Variants in HABP4 observed in about 807,000 individuals in gnomAD.
HABP4 encodes the protein hyaluronan binding protein 4.
Under a neutral mutation model 44.1 loss-of-function variants are expected in HABP4, and 32 were observed. The ratio of observed to expected loss-of-function variants is 0.73; its 90% CI spans 0.55 to 0.97. The LOEUF (loss-of-function observed/expected upper bound fraction) is 0.97. HABP4 is among the 50% of genes least tolerant of loss of function. HABP4 has a pLI of 0.00. For missense variants in HABP4, 503 were observed against 561.9 expected, an observed-to-expected ratio of 0.90 and a Z score of 1.06; for synonymous variants, 216 against 218.0, an observed-to-expected ratio of 0.99 and a Z score of 0.08.
Position 96,450,511 on chromosome 9 carries a change from G to T in HABP4, c.232G>T (p.Ala78Ser), listed in dbSNP as rs1587765112. Residue 78 changes from alanine to serine, a missense_variant, in exon 1 of 8, where the codon GCC becomes TCC. Ala to Ser is a moderately conservative substitution (Grantham distance 99). Transcript: ENST00000375249. The surrounding 1 kb of genome is among the most constrained non-coding windows in gnomAD (Gnocchi z 4.8). Reference protein sequence around the residue: ...GPRGGRSPAGASGHRAGAGGR... With the variant: ...GPRGGRSPAGSSGHRAGAGGR... ...CCGCGGCGGCAGGAGCCCAGCCGGGGCCTCGGGCCACAGAGCCGGCGCGGG... is the reference window on the plus strand; with the variant it reads ...CCGCGGCGGCAGGAGCCCAGCCGGGTCCTCGGGCCACAGAGCCGGCGCGGG... 2.5e-6 allele frequency: 3 copies of T among 1,217,470 alleles called. No individual in the cohort carries two copies. The highest frequency in any genetic ancestry group is 2.0e-6 in the Non-Finnish European group (2 of 978,842). 75.4% of individuals were successfully genotyped at this position (1,217,470 alleles called of 1,614,324 possible). A position where few individuals can be genotyped will look rare whatever the true frequency, so the allele number is the denominator to read the frequency against.
intron 5 of HABP4, among the ~76,000 whole-genome samples, chr9:96,471,854 G>C (rs1167710594): frequency 1.3e-5 from 2 of 151,786 alleles, no homozygotes; most frequent in Non-Finnish European, 2.9e-5. Flanking sequence ...GCAATGGCGC[G>C]ATCTTGGCTC....
At chr9:96,471,381 G>T (rs964899881) in intron 5 of HABP4, among the ~76,000 whole-genome samples, 3 of 152,104 alleles carry the variant, frequency 2.0e-5, no homozygotes, top group Non-Finnish European at 4.4e-5. Flanking sequence ...GACCTCAAGT[G>T]ATCCATCCGC....
At chr9:96,455,721 G>A (rs892302734) in intron 1 of HABP4, among the ~76,000 whole-genome samples, 1 of 150,990 alleles carries the variant, frequency 6.6e-6, no homozygotes, top group African/African-American at 2.4e-5. Flanking sequence ...AGCCGAGATG[G>A]TGCCATGGCA....
intron 1 of HABP4, chr9:96,451,438 A>ACTCC (rs1832276364): frequency 1.0e-6 from 1 of 983,184 alleles, no homozygotes; most frequent in African/African-American, 1.8e-5. Flanking sequence ...AGCCAGCAAC[A>ACTCC]CTCCACCTGT....
chr9:96,473,993 G>T (rs1002626360), intron 5 of HABP4, among the ~76,000 whole-genome samples: 4 of 152,098 alleles, frequency 2.6e-5, no homozygotes, highest in Non-Finnish European at 5.9e-5. Flanking sequence ...GAATAATAAC[G>T]TACCTACATT....
intron 2 of HABP4, among the ~76,000 whole-genome samples, chr9:96,458,924 A>G (rs1461768840): frequency 6.6e-6 from 1 of 152,200 alleles, no homozygotes; most frequent in Non-Finnish European, 1.5e-5. Flanking sequence ...TGCCCGGCCC[A>G]GAAAATACAA....
intron 5 of HABP4, among the ~76,000 whole-genome samples, chr9:96,473,946 T>G (rs1832737596): frequency 1.3e-5 from 2 of 152,224 alleles, no homozygotes; most frequent in Non-Finnish European, 1.5e-5. Context: ...ATTTAATTTC[T>G]TTTTCAGTGG....
In HABP4 at chr9:96,450,746, T is replaced by C; in HGVS notation, c.349+118T>C. On this transcript the variant is annotated intron_variant, in intron 1 of 7. Coordinates refer to ENST00000375249, the MANE Select transcript of HABP4 (RefSeq NM_014282.4). This position sits in a 1 kb window ranked among gnomAD's most constrained non-coding sequence, Gnocchi z 4.8. ...CAGTAGGGAGAGTTGAGGGTCCTGG[T>C]GGCCGCCGAAGGTAGGAGGAGAGGG... The C allele has an allele frequency of 1.2e-6, 1 of 843,208 alleles. No homozygotes were observed. Among genetic ancestry groups the C allele is most frequent in the Non-Finnish European group, 1.6e-6 (1 of 642,278 alleles). 52.2% of individuals were successfully genotyped at this position (843,208 alleles called of 1,614,324 possible). A position where few individuals can be genotyped will look rare whatever the true frequency, so the allele number is the denominator to read the frequency against.
At chr9:96,465,852 A>G (rs1197606888) in intron 4 of HABP4, 74 bp downstream of exon 4, 9 of 828,878 alleles carry the variant, frequency 1.1e-5, no homozygotes, top group Non-Finnish European at 1.5e-5. Flanking sequence ...TTTCTTGAAA[A>G]TGATGTCTTC....
At chr9:96,485,577 G>A (rs1399378051) in intron 6 of HABP4, among the ~76,000 whole-genome samples, 1 of 152,194 alleles carries the variant, frequency 6.6e-6, no homozygotes, top group Non-Finnish European at 1.5e-5. Flanking sequence ...CACGGCTTAC[G>A]TCCAGCTCTT....
chr9:96,473,540 C>A (rs1401498133), intron 5 of HABP4, among the ~76,000 whole-genome samples: 1 of 152,192 alleles, frequency 6.6e-6, no homozygotes, highest in African/African-American at 2.4e-5. Context: ...GTTCACACCG[C>A]ATTCTGATTG....
chr9:96,490,147 C>T lies in HABP4; in HGVS notation c.*109C>T, dbSNP rs369515584. The T allele has an allele frequency of 3.7e-5, 27 of 736,558 alleles. No individual in the cohort carries two copies. The highest frequency in any genetic ancestry group is 2.9e-4 in the East Asian group (11 of 38,428). 45.6% of individuals were successfully genotyped at this position (736,558 alleles called of 1,614,324 possible). On this transcript the variant is annotated 3_prime_UTR_variant, in exon 8 of 8. Transcript: ENST00000375249. ...TAAGAACAATAGATGTTGCTTTTCC[C>T]GTGTCATGTAAATTTGTTGCACTTT...
At chr9:96,465,192 G>A (rs1028168357) in intron 2 of HABP4, 145 bp from the exon 3 acceptor site, 38 of 650,904 alleles carry the variant, frequency 5.8e-5, no homozygotes, top group African/African-American at 4.5e-4. Context: ...TATAGTATGC[G>A]CTCACTAAAG....
rs147048181 is a variant in HABP4 at position 96,480,626 on chromosome 9, C to T, written c.828-3836C>T. ...ATTCATTAGTCCATGTTTTTTGACA[C>T]ATTTCATAATAAATTGTAGACATCT... On this transcript the variant is annotated intron_variant, in intron 5 of 7. Transcript: ENST00000375249. Among the ~76,000 whole-genome samples, 654 of 152,266 alleles carry T rather than the reference C, an allele frequency of 4.3e-3. 3 individuals are homozygous for T. Among genetic ancestry groups the T allele is most frequent in the African/African-American group, 0.015 (617 of 41,546 alleles).
At chr9:96,489,039 G>A (rs1055614969) in intron 7 of HABP4, among the ~76,000 whole-genome samples, 2 of 152,124 alleles carry the variant, frequency 1.3e-5, no homozygotes, top group South Asian at 2.1e-4. Flanking sequence ...AATCAGCCCC[G>A]AGGCCCCATG....
At chr9:96,474,845 G>A (rs1252645235) in intron 5 of HABP4, among the ~76,000 whole-genome samples, 1 of 152,076 alleles carries the variant, frequency 6.6e-6, no homozygotes, top group African/African-American at 2.4e-5. Context: ...GTACCTCTCA[G>A]TTCTAGAATG....
intron 5 of HABP4, among the ~76,000 whole-genome samples, chr9:96,481,260 A>C (rs1832874539): frequency 6.6e-6 from 1 of 151,956 alleles, no homozygotes; most frequent in South Asian, 2.1e-4. Context: ...CACCCAGCTA[A>C]TTTTTGTATT....
chr9:96,480,614 T>C (rs1832859863), intron 5 of HABP4, among the ~76,000 whole-genome samples: 1 of 152,244 alleles, frequency 6.6e-6, no homozygotes, highest in Non-Finnish European at 1.5e-5. Flanking sequence ...CATTAGTCCA[T>C]GTTTTTTGAC....
intron 1 of HABP4, among the ~76,000 whole-genome samples, chr9:96,454,550 A>T (rs1197944213): frequency 6.7e-6 from 1 of 149,000 alleles, no homozygotes; most frequent in Non-Finnish European, 1.5e-5. Context: ...TCCCGAGTTC[A>T]GCCATTCTCC....
Sources: gnomAD v4.1 joint callset for allele counts (sites outside exome capture counted in the v4.1 genomes callset) on GRCh38, gnomAD v4.1.1 for gene constraint, Gnocchi (gnomAD v3.1) non-coding constraint, MANE v1.5 for transcripts, NCBI Gene and HGNC (gene_info 2026-07-23, HGNC 2026-07-21) for gene names.